The following LCORL variants were observed in gnomAD, a reference collection of about 807,000 sequenced individuals.
LCORL encodes ligand dependent nuclear receptor corepressor like, also known as ligand-dependent nuclear receptor corepressor-like protein.
LCORL carries 41 observed loss-of-function variants against 141.8 expected under a neutral mutation model. That is an observed-to-expected ratio of 0.29 (90% CI 0.23 to 0.38). LCORL has a LOEUF of 0.38. LCORL is among the 10% of genes least tolerant of loss of function. LCORL has a pLI of 1.00. For missense variants in LCORL, 1,759 were observed against 2,035.0 expected, an observed-to-expected ratio of 0.86 and a Z score of 2.61; for synonymous variants, 618 against 694.1, an observed-to-expected ratio of 0.89 and a Z score of 1.72.
intron 7 of LCORL, among the ~76,000 whole-genome samples, chr4:17,857,349 T>C (rs1410592980): frequency 6.6e-6 from 1 of 152,156 alleles, no homozygotes; most frequent in Non-Finnish European, 1.5e-5. Context: ...GATCAGTGGA[T>C]AAGTATTTCC....
At chr4:17,912,255 C>T (rs1732684714) in intron 4 of LCORL, 5 of 716,894 alleles carry the variant, frequency 7.0e-6, no homozygotes, top group Admixed American at 3.5e-5. Flanking sequence ...TGGGCTCCTG[C>T]AAGGTCACTG....
chr4:17,896,752 T>A (rs181346864), intron 5 of LCORL, among the ~76,000 whole-genome samples: 55 of 152,304 alleles, frequency 3.6e-4, no homozygotes, highest in Admixed American at 1.2e-3. Flanking sequence ...TCAGTTATTT[T>A]AAAATGTACA....
At position 17,884,334 on chromosome 4, in the gene LCORL, CA is replaced by C; in HGVS notation, c.776+1733del. The stretch of plus-strand genomic sequence containing the variant: ...TTTGAAGTTTCATATTGGAGGCTTT[CA>C]TTTTTTTCTTTAAACTGAGTGACCA... On this transcript the variant is annotated intron_variant, in intron 6 of 7. Transcript: ENST00000635767. The surrounding 1 kb of genome is among the most constrained non-coding windows in gnomAD (Gnocchi z 4.4). 1 of 1,547,110 alleles carries C rather than the reference CA, an allele frequency of 6.5e-7. No individual in the cohort carries two copies. Among genetic ancestry groups the C allele is most frequent in the Non-Finnish European group, 8.7e-7 (1 of 1,145,504 alleles).
chr4:17,964,541 C>G (rs1410173165), intron 2 of LCORL, among the ~76,000 whole-genome samples: 1 of 152,040 alleles, frequency 6.6e-6, no homozygotes, highest in East Asian at 1.9e-4. Flanking sequence ...TGGTCACCTT[C>G]TGTAAAACCT....
At chr4:17,952,135 T>C (rs1739821364) in intron 4 of LCORL, among the ~76,000 whole-genome samples, 1 of 152,146 alleles carries the variant, frequency 6.6e-6, no homozygotes, top group Non-Finnish European at 1.5e-5. Context: ...GAACAGCACA[T>C]ACAGATTGCT....
At chr4:17,968,883 G>A (rs1715419366) in intron 2 of LCORL, among the ~76,000 whole-genome samples, 2 of 152,150 alleles carry the variant, frequency 1.3e-5, no homozygotes, top group Admixed American at 6.6e-5. Flanking sequence ...TAGCCCACAT[G>A]CTGTAACTTG....
chr4:17,893,808 T>G (rs1729476964), intron 5 of LCORL, among the ~76,000 whole-genome samples: 1 of 152,180 alleles, frequency 6.6e-6, no homozygotes, highest in South Asian at 2.1e-4. Flanking sequence ...TATTTATTTA[T>G]TTATTTTTGA....
At chr4:17,932,365 G>A (rs1377267320) in intron 4 of LCORL, among the ~76,000 whole-genome samples, 2 of 152,068 alleles carry the variant, frequency 1.3e-5, no homozygotes, top group Non-Finnish European at 2.9e-5. Flanking sequence ...CAGTATTTAA[G>A]AGAGTTTGTC....
At chr4:17,952,635 T>TC (rs1021805490) in intron 4 of LCORL, among the ~76,000 whole-genome samples, 8 of 152,164 alleles carry the variant, frequency 5.3e-5, no homozygotes, top group Non-Finnish European at 1.2e-4. Flanking sequence ...CAGGATGGTC[T>TC]CGATCTCCTG....
At chr4:17,985,782 G>A (rs1403499923) in intron 1 of LCORL, among the ~76,000 whole-genome samples, 1 of 152,148 alleles carries the variant, frequency 6.6e-6, no homozygotes, top group African/African-American at 2.4e-5. Context: ...GTATTGATAT[G>A]TGTGGATTTG....
intron 2 of LCORL, among the ~76,000 whole-genome samples, chr4:17,963,751 T>C (rs1714322614): frequency 6.6e-6 from 1 of 151,974 alleles, no homozygotes; most frequent in Non-Finnish European, 1.5e-5. Context: ...CATAATAATA[T>C]TGTCATCCTA....
chr4:17,969,159 T>A (rs572109846), intron 2 of LCORL, among the ~76,000 whole-genome samples: 6 of 152,218 alleles, frequency 3.9e-5, no homozygotes, highest in African/African-American at 1.2e-4. Context: ...ACACCAGAAG[T>A]GCAGTTAGGG....
At chr4:17,862,240 A>C (rs1342246615) in intron 7 of LCORL, among the ~76,000 whole-genome samples, 1 of 152,258 alleles carries the variant, frequency 6.6e-6, no homozygotes, top group Non-Finnish European at 1.5e-5. Context: ...TTGCTGGGGA[A>C]GCCTCACAAT....
At chr4:17,985,725 T>C (rs1223088707) in intron 1 of LCORL, among the ~76,000 whole-genome samples, 1 of 152,180 alleles carries the variant, frequency 6.6e-6, no homozygotes, top group Non-Finnish European at 1.5e-5. Context: ...AGATTGCTAC[T>C]CTCTACTTTT....
intron 7 of LCORL, among the ~76,000 whole-genome samples, chr4:17,846,289 G>A (rs984338645): frequency 1.4e-4 from 21 of 152,082 alleles, no homozygotes; most frequent in African/African-American, 4.6e-4. Flanking sequence ...TGCCTATTAC[G>A]TTCTAGCCAC....
At chr4:17,855,908 C>T (rs1380947377) in intron 7 of LCORL, among the ~76,000 whole-genome samples, 1 of 151,834 alleles carries the variant, frequency 6.6e-6, no homozygotes, top group Admixed American at 6.6e-5. Context: ...ATAAATAAAC[C>T]ACCTCTTCTC....
At chr4:17,973,678 G>A (rs1163728122) in intron 1 of LCORL, among the ~76,000 whole-genome samples, 1 of 151,490 alleles carries the variant, frequency 6.6e-6, no homozygotes, top group Non-Finnish European at 1.5e-5. Flanking sequence ...ACTAAACATG[G>A]CATGACAGAC....
chr4:17,959,253 G>A (rs1713305615), intron 4 of LCORL, among the ~76,000 whole-genome samples: 1 of 151,948 alleles, frequency 6.6e-6, no homozygotes, highest in African/African-American at 2.4e-5. Context: ...TCTCTAGTCT[G>A]CTTAATTCAA....
chr4:18,001,974 CATAT>C (rs1560468604), intron 1 of LCORL, among the ~76,000 whole-genome samples: 1 of 152,192 alleles, frequency 6.6e-6, no homozygotes. Context: ...CATCCACACA[CATAT>C]GTTTGTTTCT....
Sources: allele counts gnomAD v4.1 joint callset (sites outside exome capture counted in the v4.1 genomes callset), GRCh38; gene constraint gnomAD v4.1.1; non-coding constraint Gnocchi (gnomAD v3.1); transcripts MANE v1.5; gene names NCBI Gene and HGNC (gene_info 2026-07-23, HGNC 2026-07-21).